AHDC1: variants seen among roughly 807,000 people sequenced by gnomAD.
AHDC1 encodes transcription factor Gibbin.
In AHDC1, 7 loss-of-function variants were observed where a neutral mutation model predicts 87.9. The observed-to-expected ratio is 0.08, with a 90% CI of 0.05 to 0.15. AHDC1 has a LOEUF of 0.15. AHDC1 is among the 10% of genes least tolerant of loss of function. AHDC1 has a pLI of 1.00. For synonymous variants in AHDC1, 1,051 were observed against 1,006.8 expected (o/e 1.04, Z -0.83); for missense variants, 1,841 against 2,253.2 (o/e 0.82, Z 3.70).
rs2089354238 is a variant in AHDC1, at chr1:27,595,800, G to C, written c.-629+7597C>G. Among the ~76,000 whole-genome samples, 1 of 151,958 alleles carries C rather than the reference G, an allele frequency of 6.6e-6. No individual in the cohort carries two copies. Among genetic ancestry groups the C allele is most frequent in the African/African-American group, 2.4e-5 (1 of 41,320 alleles). On this transcript the variant is annotated intron_variant, in intron 3 of 8. Coordinates refer to ENST00000673934, the MANE Select transcript of AHDC1 (RefSeq NM_001371928.1). This position sits in a 1 kb window ranked among gnomAD's most constrained non-coding sequence, Gnocchi z 4.0. ...GGCTGTAACCAGGTTCCTGGTGTCA[G>C]GGAGGTGTTGCAGGTTGTGGGTAAG...
chr1:27,560,946 C>T lies in AHDC1; in HGVS notation c.-628-2063G>A, dbSNP rs576690144. Among the ~76,000 whole-genome samples the T allele has an allele frequency of 8.5e-5, 13 of 152,152 alleles. No homozygotes were observed. The South Asian group carries it at 1.7e-3, about 19-fold the overall frequency. On this transcript the variant is annotated intron_variant, in intron 3 of 8. Transcript: ENST00000673934. The surrounding 1 kb of genome is among the most constrained non-coding windows in gnomAD (Gnocchi z 4.1). ...TTGTGTGTGCCTGCTTCCCTCTTCCCTCCCTCTCCCTCCCTTCCTCTCTCT... is the reference window on the plus strand; with the variant it reads ...TTGTGTGTGCCTGCTTCCCTCTTCCTTCCCTCTCCCTCCCTTCCTCTCTCT...
chr1:27,572,575 T>C (rs978708577), intron 3 of AHDC1, among the ~76,000 whole-genome samples: 5 of 152,128 alleles, frequency 3.3e-5, no homozygotes, highest in African/African-American at 1.2e-4. Context: ...CCCCTACAGA[T>C]ACCCCCACAA....
At chr1:27,592,771 G>A (rs570642888) in intron 3 of AHDC1, among the ~76,000 whole-genome samples, 1 of 152,292 alleles carries the variant, frequency 6.6e-6, no homozygotes, top group African/African-American at 2.4e-5. Context: ...TCCCTCTCTA[G>A]CCTGGATTGG....
Position 27,551,606 on chromosome 1 carries a change from T to C in AHDC1, c.510A>G (p.Ser170=), listed in dbSNP as rs1017433189. ...PGDLQYSFFS[S]PSLANSIRSP... is the part of the protein sequence containing the mutation. ...TACGGATGCTGTTGGCCAAACTGGG[T>C]GAGGAGAAGAAGCTGTACTGTAGGT... The change falls in exon 8 of 9, where the codon TCA becomes TCG. Residue 170 remains serine (S), a synonymous_variant. Coordinates refer to ENST00000673934, the MANE Select transcript of AHDC1 (RefSeq NM_001371928.1). 2 of 1,611,282 alleles carry C rather than the reference T, an allele frequency of 1.2e-6. No homozygotes were observed. Among genetic ancestry groups the C allele is most frequent in the Non-Finnish European group, 1.7e-6 (2 of 1,177,976 alleles).
At chr1:27,538,400 CAAAA>C (rs370786800) in intron 8 of AHDC1, among the ~76,000 whole-genome samples, 1 of 60,720 alleles carries the variant, frequency 1.6e-5, no homozygotes, top group Admixed American at 1.9e-4. Context: ...AAGACTGTCT[CAAAA>C]AAAAAAAAAA....
Position 27,598,118 on chromosome 1 carries a change from CA to C in AHDC1, c.-629+5278del, listed in dbSNP as rs534974329. 8.9e-4 allele frequency among the ~76,000 whole-genome samples: 136 copies of C among 152,298 alleles called. 1 individual carries two copies. The highest frequency in any genetic ancestry group is 3.1e-3 in the African/African-American group (128 of 41,548). On this transcript the variant is annotated intron_variant, in intron 3 of 8. Coordinates refer to ENST00000673934, the MANE Select transcript of AHDC1 (RefSeq NM_001371928.1). The surrounding 1 kb of genome is among the most constrained non-coding windows in gnomAD (Gnocchi z 4.2). Reference sequence around the variant, plus strand: ...CAGGTCAGCAAGGCCTCTCCTGGCTCAGGGGGTGGGGAGGGGGTGCAGAGCT... The same window carrying C: ...CAGGTCAGCAAGGCCTCTCCTGGCTCGGGGGTGGGGAGGGGGTGCAGAGCT...
At chr1:27,537,220 C>T (rs2018680390) in intron 8 of AHDC1, among the ~76,000 whole-genome samples, 1 of 152,174 alleles carries the variant, frequency 6.6e-6, no homozygotes, top group South Asian at 2.1e-4. Flanking sequence ...CTCCACAAAG[C>T]AGGACCAGAC....
intron 3 of AHDC1, among the ~76,000 whole-genome samples, chr1:27,597,760 T>TCTCC (rs1351232496): frequency 6.6e-6 from 1 of 151,882 alleles, no homozygotes; most frequent in Non-Finnish European, 1.5e-5. Flanking sequence ...CCTGCAGTCT[T>TCTCC]CTCCCTCCCT....
intron 8 of AHDC1, among the ~76,000 whole-genome samples, chr1:27,546,104 A>G (rs1328418933): frequency 1.3e-5 from 2 of 152,162 alleles, no homozygotes; most frequent in Non-Finnish European, 2.9e-5. Context: ...CTCCAGGAAG[A>G]GAAACTCCCA....
Position 27,579,102 on chromosome 1 carries a change from C to T in AHDC1, c.-628-20219G>A, listed in dbSNP as rs146780830. On this transcript the variant is annotated intron_variant, in intron 3 of 8. Coordinates refer to ENST00000673934, the MANE Select transcript of AHDC1 (RefSeq NM_001371928.1). ...CTTTGTCACTCAGGCTAGAGTGCAGCGGTATAATCACAGCTCACTGCAGCC... is the reference window on the plus strand; with the variant it reads ...CTTTGTCACTCAGGCTAGAGTGCAGTGGTATAATCACAGCTCACTGCAGCC... 3.4e-5 allele frequency among the ~76,000 whole-genome samples: 5 copies of T among 149,232 alleles called. No individual in the cohort carries two copies. The East Asian group carries it at 5.9e-4, about 18-fold the overall frequency.
intron 3 of AHDC1, among the ~76,000 whole-genome samples, chr1:27,571,853 T>G (rs957076251): frequency 7.2e-5 from 11 of 151,850 alleles, no homozygotes; most frequent in African/African-American, 2.7e-4. Flanking sequence ...AGACACACAC[T>G]CCGCCTGTTC....
chr1:27,549,024 G>A lies in AHDC1; in HGVS notation c.3092C>T (p.Pro1031Leu). The A allele has an allele frequency of 6.3e-7, 1 of 1,575,402 alleles. No individual in the cohort carries two copies. Among genetic ancestry groups the A allele is most frequent in the Non-Finnish European group, 8.6e-7 (1 of 1,159,852 alleles). ...GCTGAAGAAGGAGGCCTTGCTTGGT[G>A]GCAGGCAGGGGCCCCCGGTAGGCGG... ...APPPTGGPCL[P>L]PSKASFFSSS... The change falls in exon 8 of 9, where the codon CCA (proline) becomes CTA (leucine). Residue 1031 changes from proline to leucine, a missense_variant. Physicochemically the swap from Pro to Leu is moderately conservative, Grantham distance 98 (BLOSUM62 -3). This residue lies in a region of AHDC1 where 378 missense variants were observed against 399.0 expected (regional missense o/e 0.95). Coordinates refer to ENST00000673934, the MANE Select transcript of AHDC1 (RefSeq NM_001371928.1).
intron 7 of AHDC1, chr1:27,552,394 G>T: frequency 1.9e-5 from 7 of 360,456 alleles, no homozygotes; most frequent in Non-Finnish European, 2.8e-5. Context: ...CATGGGCCCA[G>T]TTTCACTTTT....
chr1:27,540,884 A>T (rs1248224080), intron 8 of AHDC1, among the ~76,000 whole-genome samples: 2 of 151,318 alleles, frequency 1.3e-5, no homozygotes, highest in Admixed American at 1.3e-4. Context: ...AGGAGGCTGG[A>T]GAGGGAAGGA....
chr1:27,551,646 G>A lies in AHDC1; in HGVS notation c.470C>T (p.Ala157Val), dbSNP rs146915829. The change falls in exon 8 of 9, where the codon GCA becomes GTA. Residue 157 changes from alanine (A) to valine (V), a missense_variant. This residue lies in a region of AHDC1 where 50 missense variants were observed against 104.3 expected (regional missense o/e 0.48). Transcript: ENST00000673934. ...GTACTGTAGGTCGCCGGGTGGCGGT[G>A]CAGGCGGGCGGCTCAGTCGGAGCCC... ...CGGLRLSRPP[A>V]PPPGDLQYSF... 688 of 1,613,016 alleles carry A rather than the reference G, an allele frequency of 4.3e-4. 5 individuals carry two copies. In the African/African-American group the frequency reaches 8.3e-3, roughly 20 times the overall value.
chr1:27,602,669 C>A (rs2089563488), intron 3 of AHDC1, among the ~76,000 whole-genome samples: 1 of 152,152 alleles, frequency 6.6e-6, no homozygotes, highest in South Asian at 2.1e-4. Flanking sequence ...GAAGAGGGGG[C>A]CGATTCAATC....
At chr1:27,597,591 C>G (rs550267071) in intron 3 of AHDC1, among the ~76,000 whole-genome samples, 10 of 151,988 alleles carry the variant, frequency 6.6e-5, no homozygotes, top group African/African-American at 2.4e-4. Flanking sequence ...GGGCTCTGGG[C>G]GGCTTCTCTC....
At chr1:27,585,272 A>T (rs1571324422) in intron 3 of AHDC1, among the ~76,000 whole-genome samples, 1 of 151,446 alleles carries the variant, frequency 6.6e-6, no homozygotes, top group Admixed American at 6.6e-5. Flanking sequence ...AAAAAAAAAA[A>T]AAAGAAGGAA....
Position 27,593,787 on chromosome 1 carries a change from GAGGC to G in AHDC1, c.-629+9606_-629+9609del, listed in dbSNP as rs1021336415. On this transcript the variant is annotated intron_variant, in intron 3 of 8. Coordinates refer to ENST00000673934, the MANE Select transcript of AHDC1 (RefSeq NM_001371928.1). The surrounding 1 kb of genome is among the most constrained non-coding windows in gnomAD (Gnocchi z 4.9). ...GTGCCTGCGGCTCCCCAGGGCACAA[GAGGC>G]AGGCAGGAGATCGATTCACTGAATT... Among the ~76,000 whole-genome samples, 61 of 152,340 alleles carry G rather than the reference GAGGC, an allele frequency of 4.0e-4. No homozygotes were observed. Among genetic ancestry groups the G allele is most frequent in the African/African-American group, 1.4e-3 (59 of 41,582 alleles).
Sources: allele counts gnomAD v4.1 joint callset (sites outside exome capture counted in the v4.1 genomes callset), GRCh38; gene constraint gnomAD v4.1.1; regional missense constraint gnomAD v4.1.1; non-coding constraint Gnocchi (gnomAD v3.1); transcripts MANE v1.5; gene names NCBI Gene and HGNC (gene_info 2026-07-23, HGNC 2026-07-21).